The following OCA2 variants were observed in gnomAD, a reference collection of about 807,000 sequenced individuals.
OCA2 encodes the protein P protein.
A neutral mutation model predicts 100.2 loss-of-function variants in OCA2; 77 were observed. The observed-to-expected ratio is 0.77, with a 90% CI of 0.64 to 0.93. The LOEUF (loss-of-function observed/expected upper bound fraction) is 0.93. Ranked by LOEUF, OCA2 falls within the 40% of genes least tolerant of loss-of-function variation. OCA2 has a pLI of 0.00. For synonymous variants in OCA2, 432 were observed against 439.2 expected, an observed-to-expected ratio of 0.98 and a Z score of 0.21; for missense variants, 1,062 against 1,089.1, an observed-to-expected ratio of 0.98 and a Z score of 0.35.
At position 27,821,077 on chromosome 15, in the gene OCA2, C is replaced by T. The variant is rs923186431; in HGVS notation, c.2432+23882G>A. Among the ~76,000 whole-genome samples the T allele has an allele frequency of 3.3e-5, 5 of 152,160 alleles. 1 individual carries two copies. The highest frequency in any genetic ancestry group is 7.2e-5 in the African/African-American group (3 of 41,514). ...GTGAGACATTGAGACATTGATGCCT[C>T]AATGTCTTAGATATTCTGTAAATTA... On this transcript the variant is annotated intron_variant, in intron 23 of 23. Coordinates refer to ENST00000354638, the MANE Select transcript of OCA2 (RefSeq NM_000275.3).
At chr15:27,819,619 G>A (rs1476455701) in intron 23 of OCA2, among the ~76,000 whole-genome samples, 2 of 152,216 alleles carry the variant, frequency 1.3e-5, no homozygotes, top group Non-Finnish European at 2.9e-5. Flanking sequence ...TGTGCAAGGG[G>A]TGGAGGCTAG....
chr15:28,001,090 A>G (rs1295592540), intron 9 of OCA2, among the ~76,000 whole-genome samples: 1 of 152,106 alleles, frequency 6.6e-6, no homozygotes, highest in Non-Finnish European at 1.5e-5. Context: ...TGACTGAGAA[A>G]AATCCCACTT....
At chr15:27,869,880 C>T (rs546239278) in intron 21 of OCA2, among the ~76,000 whole-genome samples, 1 of 152,202 alleles carries the variant, frequency 6.6e-6, no homozygotes, top group Admixed American at 6.5e-5. Context: ...AGAGGTGGAG[C>T]CAGCTGGGCC....
intron 2 of OCA2, among the ~76,000 whole-genome samples, chr15:28,041,798 GAAGAA>G (rs1037134155): frequency 7.6e-4 from 116 of 152,262 alleles, no homozygotes; most frequent in African/African-American, 2.8e-3. Flanking sequence ...AATGTTGCAT[GAAGAA>G]AAATAGAAGA....
At chr15:28,045,134 C>T (rs1001879697) in intron 2 of OCA2, among the ~76,000 whole-genome samples, 1 of 151,968 alleles carries the variant, frequency 6.6e-6, no homozygotes, top group Non-Finnish European at 1.5e-5. Context: ...CCTTATTTTG[C>T]ATTAATTATT....
chr15:28,098,582 C>A (rs1219787278), intron 1 of OCA2, among the ~76,000 whole-genome samples: 3 of 152,204 alleles, frequency 2.0e-5, no homozygotes, highest in African/African-American at 7.2e-5. Context: ...TTAGAGTCAC[C>A]TGGGGAGCTT....
intron 23 of OCA2, among the ~76,000 whole-genome samples, chr15:27,799,280 G>T (rs2033485998): frequency 6.6e-6 from 1 of 152,200 alleles, no homozygotes; most frequent in African/African-American, 2.4e-5. Context: ...GCACACAGCA[G>T]TGAACACGTA....
chr15:27,931,164 T>A (rs1294019050), intron 18 of OCA2, among the ~76,000 whole-genome samples: 1 of 152,046 alleles, frequency 6.6e-6, no homozygotes, highest in East Asian at 1.9e-4. Flanking sequence ...TACTATTCAG[T>A]TTAAAAACAA....
At chr15:27,955,125 A>G in intron 17 of OCA2, 33 bp downstream of exon 17, 3 of 1,514,604 alleles carry the variant, frequency 2.0e-6, no homozygotes, top group Non-Finnish European at 2.8e-6. Flanking sequence ...GGAGAAGTGA[A>G]TCAGAAATCC....
intron 9 of OCA2, among the ~76,000 whole-genome samples, chr15:28,003,339 C>T (rs2041985907): frequency 6.6e-6 from 1 of 152,238 alleles, no homozygotes; most frequent in African/African-American, 2.4e-5. Context: ...AAGCTGCTTT[C>T]GCGTGACTGT....
intron 21 of OCA2, among the ~76,000 whole-genome samples, chr15:27,858,794 A>G (rs2036032231): frequency 6.6e-6 from 1 of 152,168 alleles, no homozygotes; most frequent in Non-Finnish European, 1.5e-5. Flanking sequence ...GACCACATGT[A>G]GGGCACAAAA....
chr15:27,814,090 C>T (rs368262147), intron 23 of OCA2, among the ~76,000 whole-genome samples: 2 of 151,960 alleles, frequency 1.3e-5, no homozygotes, highest in Admixed American at 6.6e-5. Flanking sequence ...TTGAAACATA[C>T]AATCAATCAA....
At chr15:27,808,919 G>T (rs1471363010) in intron 23 of OCA2, among the ~76,000 whole-genome samples, 1 of 152,164 alleles carries the variant, frequency 6.6e-6, no homozygotes, top group Non-Finnish European at 1.5e-5. Context: ...TGAACAGATG[G>T]GATCGTGGGG....
chr15:27,775,717 C>T (rs2032171127), intron 23 of OCA2: 1 of 152,354 alleles, frequency 6.6e-6, no homozygotes, highest in Non-Finnish European at 1.5e-5. Context: ...CGAGATCAGG[C>T]CAGGGCAGGG....
At chr15:27,876,291 C>G (rs544034289) in intron 19 of OCA2, among the ~76,000 whole-genome samples, 15 of 151,974 alleles carry the variant, frequency 9.9e-5, no homozygotes, top group African/African-American at 2.9e-4. Flanking sequence ...TTAAATCAAC[C>G]TTGGATTTCT....
chr15:27,819,538 T>G (rs900055300), intron 23 of OCA2, among the ~76,000 whole-genome samples: 3 of 152,114 alleles, frequency 2.0e-5, no homozygotes, highest in Admixed American at 1.3e-4. Flanking sequence ...GTACTGGAAG[T>G]GAATGATTAA....
In OCA2 at chr15:27,990,578, C is replaced by T. The variant is rs370353320; in HGVS notation, c.1114G>A (p.Asp372Asn). 31 of 1,613,728 alleles carry T rather than the reference C, an allele frequency of 1.9e-5. 1 individual carries two copies. Among genetic ancestry groups the T allele is most frequent in the South Asian group, 1.5e-4 (14 of 91,086 alleles). Residue 372 changes from aspartate (D) to asparagine (N), a missense_variant and splice_region_variant, in exon 10 of 24, where the codon GAT becomes AAT. By Grantham distance (23) the Asp-to-Asn change is conservative. Coordinates refer to ENST00000354638, the MANE Select transcript of OCA2 (RefSeq NM_000275.3). Reference protein sequence around the residue: ...AALAALAVIGDRPSLTHVVEW... With the variant: ...AALAALAVIGNRPSLTHVVEW... ...GGATTGGGACTGTGACAACTTACAT[C>T]GCCAATCACAGCCAGTGCTGCCAGT...
chr15:27,746,705 A>C, the OCA2 span, among the ~76,000 whole-genome samples: 1 of 152,116 alleles, frequency 6.6e-6, no homozygotes, highest in South Asian at 2.1e-4. Context: ...TGACAGCCTA[A>C]ATAAAGTCAG....
At chr15:27,986,542 A>G in intron 12 of OCA2, 45 bp downstream of exon 12, 1 of 1,126,034 alleles carries the variant, frequency 8.9e-7, no homozygotes, top group South Asian at 1.3e-5. Context: ...AAATACATAT[A>G]TAAATTAATC....
Sources: gnomAD v4.1 joint callset for allele counts (sites outside exome capture counted in the v4.1 genomes callset) on GRCh38, gnomAD v4.1.1 for gene constraint, MANE v1.5 for transcripts, NCBI Gene and HGNC (gene_info 2026-07-23, HGNC 2026-07-21) for gene names.